The following XRCC5 variants were observed in gnomAD, a reference collection of about 807,000 sequenced individuals.
XRCC5 encodes the protein DNA repair protein Ku80.
XRCC5 carries 12 observed loss-of-function variants against 95.7 expected under a neutral mutation model. The ratio of observed to expected loss-of-function variants is 0.13; its 90% CI spans 0.08 to 0.20. XRCC5 has a LOEUF of 0.20. Ranked by LOEUF, XRCC5 falls within the 10% of genes least tolerant of loss-of-function variation. The probability of loss-of-function intolerance (pLI) is 1.00; values close to 1 mark genes in which losing one functional copy is unlikely to be tolerated. For missense variants in XRCC5, 595 were observed against 873.9 expected, an observed-to-expected ratio of 0.68 and a Z score of 4.02; for synonymous variants, 281 against 290.3, an observed-to-expected ratio of 0.97 and a Z score of 0.33.
At chr2:216,157,954 A>G (rs1304394876) in intron 14 of XRCC5, among the ~76,000 whole-genome samples, 1 of 152,204 alleles carries the variant, frequency 6.6e-6, no homozygotes. Flanking sequence ...AGTGTATGCA[A>G]AATTCCTAAT....
chr2:216,181,529 C>G (rs1266037002), intron 16 of XRCC5, among the ~76,000 whole-genome samples: 1 of 152,138 alleles, frequency 6.6e-6, no homozygotes, highest in Admixed American at 6.5e-5. Context: ...AGCTGATTAA[C>G]TCTTTTAAAA....
chr2:216,173,200 C>A (rs1689203917), intron 16 of XRCC5, among the ~76,000 whole-genome samples: 1 of 151,940 alleles, frequency 6.6e-6, no homozygotes, highest in Non-Finnish European at 1.5e-5. Flanking sequence ...TCTTTTATAA[C>A]TTGTAAGTTT....
intron 16 of XRCC5, among the ~76,000 whole-genome samples, chr2:216,187,522 T>TA (rs1027363536): frequency 2.3e-4 from 26 of 110,838 alleles, no homozygotes; most frequent in African/African-American, 8.2e-4. Context: ...GTGTGTGTGT[T>TA]CTATCATATT....
chr2:216,180,515 A>G (rs1286297361), intron 16 of XRCC5, among the ~76,000 whole-genome samples: 3 of 152,120 alleles, frequency 2.0e-5, no homozygotes, highest in Non-Finnish European at 4.4e-5. Flanking sequence ...AGTCCCAGCT[A>G]CTCAGGAGGC....
intron 11 of XRCC5, 34 bp from the exon 12 acceptor site, chr2:216,138,055 C>T (rs373865673): frequency 2.7e-5 from 41 of 1,513,316 alleles, no homozygotes; most frequent in South Asian, 2.0e-4. Context: ...TTAATTTCAT[C>T]GTTTCTGCTT....
intron 16 of XRCC5, among the ~76,000 whole-genome samples, chr2:216,187,484 G>A (rs1036108467): frequency 6.9e-5 from 7 of 102,140 alleles, no homozygotes; most frequent in South Asian, 3.2e-4. Flanking sequence ...GTGTGTGTGT[G>A]TGTGTGTGTG....
At chr2:216,111,530 G>T (rs1037654667) in intron 1 of XRCC5, 3 of 272,362 alleles carry the variant, frequency 1.1e-5, no homozygotes, top group Non-Finnish European at 2.3e-5. Flanking sequence ...TCAAAAAAAA[G>T]GAAAAAAAAA....
intron 16 of XRCC5, among the ~76,000 whole-genome samples, chr2:216,171,141 T>C (rs1332141014): frequency 6.6e-6 from 1 of 152,226 alleles, no homozygotes; most frequent in African/African-American, 2.4e-5. Flanking sequence ...TAGTCACTAA[T>C]GAACTGAAAT....
rs78960237 is a variant in XRCC5 at position 216,134,682 on chromosome 2, C to G, written c.1113+2295C>G. Among the ~76,000 whole-genome samples the G allele has an allele frequency of 7.6e-3, 1,103 of 144,926 alleles. 4 individuals are homozygous for G. The highest frequency in any genetic ancestry group is 0.014 in the South Asian group (66 of 4,652). On this transcript the variant is annotated intron_variant, in intron 10 of 20. Transcript: ENST00000392132. ...GACCTCAGGTGATCCACCCCCCCCC[C>G]TCCTCGGCCTCCCAAAGTGTTGGGA...
intron 14 of XRCC5, chr2:216,156,623 T>C (rs1172824468): frequency 7.1e-6 from 4 of 564,218 alleles, no homozygotes; most frequent in Non-Finnish European, 1.4e-5. Context: ...CTTCTTTGCA[T>C]CATCTGCCTA....
chr2:216,119,801 G>A (rs1696774643), intron 5 of XRCC5, among the ~76,000 whole-genome samples: 2 of 152,244 alleles, frequency 1.3e-5, no homozygotes, highest in South Asian at 2.1e-4. Context: ...TATTCCCTCC[G>A]GGATTTACTT....
At chr2:216,165,945 G>T (rs1433204613) in intron 16 of XRCC5, among the ~76,000 whole-genome samples, 1 of 151,972 alleles carries the variant, frequency 6.6e-6, no homozygotes, top group Non-Finnish European at 1.5e-5. Context: ...TTAACTTCTG[G>T]TTTTCAGTGT....
intron 16 of XRCC5, among the ~76,000 whole-genome samples, chr2:216,178,450 T>C (rs1689318530): frequency 6.6e-6 from 1 of 152,184 alleles, no homozygotes; most frequent in Admixed American, 6.5e-5. Flanking sequence ...GTTAATTGTT[T>C]TAGGGTATAA....
chr2:216,184,086 A>C (rs377278310), intron 16 of XRCC5, among the ~76,000 whole-genome samples: 2 of 127,960 alleles, frequency 1.6e-5, no homozygotes, highest in African/African-American at 2.9e-5. Flanking sequence ...TTTAGAGAAA[A>C]AATATTTAAG....
intron 16 of XRCC5, among the ~76,000 whole-genome samples, chr2:216,167,959 T>C (rs186026392): frequency 6.6e-6 from 1 of 152,338 alleles, no homozygotes; most frequent in Admixed American, 6.5e-5. Flanking sequence ...TTTTATTAAA[T>C]ATCTCACTTG....
chr2:216,130,707 T>C (rs991735851), intron 8 of XRCC5, 168 bp from the exon 9 acceptor site: 5 of 529,428 alleles, frequency 9.4e-6, no homozygotes, highest in Non-Finnish European at 1.7e-5. Context: ...TATCTGCTGC[T>C]GCTTTTTCAC....
intron 16 of XRCC5, among the ~76,000 whole-genome samples, chr2:216,173,343 T>A (rs940478146): frequency 6.6e-6 from 1 of 152,198 alleles, no homozygotes; most frequent in Non-Finnish European, 1.5e-5. Context: ...AGTATGATGT[T>A]AGTTGTAAGT....
At chr2:216,116,590 A>C (rs762302653) in intron 2 of XRCC5, 69 bp from the exon 3 acceptor site, 2 of 1,585,590 alleles carry the variant, frequency 1.3e-6, no homozygotes, top group Non-Finnish European at 1.7e-6. Flanking sequence ...CTGCTCCCTG[A>C]AGGTTAGGTA....
chr2:216,159,972 TTC>T, intron 14 of XRCC5, 94 bp from the exon 15 acceptor site: 1 of 617,158 alleles, frequency 1.6e-6, no homozygotes, highest in Non-Finnish European at 2.5e-6. Context: ...TTCTTCTTTT[TTC>T]TTTTTTTTTT....
Sources: allele counts gnomAD v4.1 joint callset (sites outside exome capture counted in the v4.1 genomes callset), GRCh38; gene constraint gnomAD v4.1.1; transcripts MANE v1.5; gene names NCBI Gene and HGNC (gene_info 2026-07-23, HGNC 2026-07-21).